SH3KBP1: variants seen among roughly 807,000 people sequenced by gnomAD.
The protein encoded by SH3KBP1 is SH3 domain containing kinase binding protein 1.
SH3KBP1 carries 8 observed loss-of-function variants against 50.1 expected under a neutral mutation model. The ratio of observed to expected loss-of-function variants is 0.16; its 90% CI spans 0.09 to 0.29. The LOEUF is 0.29. SH3KBP1 is among the 10% of genes least tolerant of loss of function. SH3KBP1 has a pLI of 1.00. For missense variants in SH3KBP1, 377 were observed against 535.2 expected, an observed-to-expected ratio of 0.70 and a Z score of 2.92; for synonymous variants, 227 against 218.6, an observed-to-expected ratio of 1.04 and a Z score of -0.34.
chrX:19,637,145 C>T lies in SH3KBP1; in HGVS notation c.803-5187G>A, dbSNP rs769886516. ...CATATACCATATAATACGTAACATCCTCAGCTGGGGGCTGGGGCTGCACCC... is the reference window on the plus strand; with the variant it reads ...CATATACCATATAATACGTAACATCTTCAGCTGGGGGCTGGGGCTGCACCC... On this transcript the variant is annotated intron_variant, in intron 7 of 17. Transcript: ENST00000397821. Among the ~76,000 whole-genome samples the T allele has an allele frequency of 8.9e-5, 10 of 112,332 alleles. No individual in the cohort carries two copies. The East Asian group carries it at 2.8e-3, about 31-fold the overall frequency.
intron 12 of SH3KBP1, among the ~76,000 whole-genome samples, chrX:19,572,417 G>A (rs866671288): frequency 1.0e-5 from 1 of 98,340 alleles, no homozygotes; most frequent in African/African-American, 3.9e-5. Flanking sequence ...GTACATACAT[G>A]TTATATAGTA....
chrX:19,874,064 AAAAAAT>A (rs1477260699), intron 1 of SH3KBP1, among the ~76,000 whole-genome samples: 3 of 84,520 alleles, frequency 3.5e-5, no homozygotes, highest in African/African-American at 1.8e-4. Flanking sequence ...AAAAAAAAAA[AAAAAAT>A]ATATATATAT....
At chrX:19,703,308 A>G (rs969351366) in intron 4 of SH3KBP1, among the ~76,000 whole-genome samples, 1 of 110,674 alleles carries the variant, frequency 9.0e-6, no homozygotes, top group African/African-American at 3.3e-5. Context: ...GATAAAGGTA[A>G]TGATCTGAAT....
At chrX:19,666,487 G>A (rs767522893) in intron 6 of SH3KBP1, among the ~76,000 whole-genome samples, 50 of 110,673 alleles carry the variant, frequency 4.5e-4, no homozygotes, top group Non-Finnish European at 7.4e-4. Context: ...TCCTTTAAGC[G>A]ATTTGTAGTC....
intron 3 of SH3KBP1, among the ~76,000 whole-genome samples, chrX:19,744,548 A>C (rs2148815478): frequency 8.9e-6 from 1 of 112,173 alleles, no homozygotes; most frequent in African/African-American, 3.2e-5. Context: ...GATTTGTTAT[A>C]GACTTCATAT....
chrX:19,831,790 C>T (rs199673312), intron 2 of SH3KBP1, among the ~76,000 whole-genome samples: 1 of 2,979 alleles, frequency 3.4e-4, no homozygotes, highest in Non-Finnish European at 4.6e-4. Flanking sequence ...AAACTCCATC[C>T]CAAAAAAAAA....
chrX:19,540,577 G>A (rs1439893657), intron 16 of SH3KBP1, among the ~76,000 whole-genome samples: 2 of 111,348 alleles, frequency 1.8e-5, no homozygotes, highest in African/African-American at 3.3e-5. Flanking sequence ...CTCAAGCCAC[G>A]TAGAGGGAGG....
chrX:19,582,847 T>A (rs1366057982), intron 12 of SH3KBP1, among the ~76,000 whole-genome samples: 1 of 111,638 alleles, frequency 9.0e-6, no homozygotes, highest in Non-Finnish European at 1.9e-5. Context: ...TGCCTTGGGA[T>A]GTCTGAGTTT....
At chrX:19,774,912 A>T (rs2065926522) in intron 2 of SH3KBP1, among the ~76,000 whole-genome samples, 1 of 110,662 alleles carries the variant, frequency 9.0e-6, no homozygotes, top group African/African-American at 3.3e-5. Context: ...ACAAAGCTAG[A>T]CCCCCACACC....
chrX:19,874,068 A>AAAAAAAAAATATAT (rs1491537486), intron 1 of SH3KBP1, among the ~76,000 whole-genome samples: 7 of 57,033 alleles, frequency 1.2e-4, no homozygotes, highest in African/African-American at 1.1e-3. Context: ...AAAAAAAAAA[A>AAAAAAAAAATATAT]ATATATATAT....
In SH3KBP1 at chrX:19,861,705, A is replaced by T. The variant is rs181586519; in HGVS notation, c.5-25423T>A. ...TAAAGATTAGGACAAAAAAGGAGTC[A>T]GAGCCAAATACAGACTGTGAAGTGG... On this transcript the variant is annotated intron_variant, in intron 1 of 17. Coordinates refer to ENST00000397821, the MANE Select transcript of SH3KBP1 (RefSeq NM_031892.3). Among the ~76,000 whole-genome samples, 150 of 111,340 alleles carry T rather than the reference A, an allele frequency of 1.3e-3. 1 individual carries two copies. Among genetic ancestry groups the T allele is most frequent in the Non-Finnish European group, 2.3e-3 (121 of 53,069 alleles).
At chrX:19,546,305 C>G (rs886467633) in intron 14 of SH3KBP1, among the ~76,000 whole-genome samples, 1 of 112,116 alleles carries the variant, frequency 8.9e-6, no homozygotes, top group Non-Finnish European at 1.9e-5. Context: ...TCACTTCATC[C>G]TTGCAAGCAT....
intron 12 of SH3KBP1, among the ~76,000 whole-genome samples, chrX:19,582,985 C>A (rs1411646609): frequency 9.1e-6 from 1 of 110,190 alleles, no homozygotes; most frequent in Non-Finnish European, 1.9e-5. Context: ...CCTTCCACTG[C>A]ATGCAATTAC....
chrX:19,630,225 G>C (rs73459613), intron 8 of SH3KBP1, among the ~76,000 whole-genome samples: 11,229 of 110,987 alleles, frequency 0.1, 1,347 homozygotes, highest in African/African-American at 0.33. Flanking sequence ...TGAGTCCCCC[G>C]CTCCCTCCCA....
At chrX:19,602,723 G>A (rs2067126172) in intron 9 of SH3KBP1, among the ~76,000 whole-genome samples, 1 of 111,969 alleles carries the variant, frequency 8.9e-6, no homozygotes, top group African/African-American at 3.3e-5. Flanking sequence ...CTTTTAAGAT[G>A]ATTCTAAATA....
rs1437561862 is a variant in SH3KBP1, at chrX:19,832,650, C to T, written c.162+3475G>A. Among the ~76,000 whole-genome samples the T allele has an allele frequency of 1.3e-4, 14 of 110,636 alleles. 1 individual carries two copies. The highest frequency in any genetic ancestry group is 1.2e-3 in the Admixed American group (13 of 10,434). ...AGTTGGTGGGATAACCGCCTCCCCC[C>T]GCCCCCCAATCTCACTCGCATCCCT... On this transcript the variant is annotated intron_variant, in intron 2 of 17. Coordinates refer to ENST00000397821, the MANE Select transcript of SH3KBP1 (RefSeq NM_031892.3).
intron 9 of SH3KBP1, 108 bp from the exon 10 acceptor site, chrX:19,595,108 ACCTCTCC>A: frequency 1.8e-6 from 1 of 569,699 alleles, no homozygotes; most frequent in South Asian, 3.0e-5. Context: ...AATTTAGAGA[ACCTCTCC>A]AAAAAAATTG....
chrX:19,714,151 T>C (rs1004707743), intron 3 of SH3KBP1, among the ~76,000 whole-genome samples: 2 of 111,501 alleles, frequency 1.8e-5, no homozygotes, highest in African/African-American at 3.3e-5. Context: ...TTGAACCCAA[T>C]GGACATAGAG....
chrX:19,559,633 C>T (rs993604946), intron 13 of SH3KBP1, among the ~76,000 whole-genome samples: 6 of 110,864 alleles, frequency 5.4e-5, no homozygotes, highest in African/African-American at 1.3e-4. Context: ...CCGGCCAGAA[C>T]GGAAATAATT....
Sources: allele counts gnomAD v4.1 joint callset (sites outside exome capture counted in the v4.1 genomes callset), GRCh38; gene constraint gnomAD v4.1.1; transcripts MANE v1.5; gene names NCBI Gene and HGNC (gene_info 2026-07-23, HGNC 2026-07-21).